EBF1: variants seen among roughly 807,000 people sequenced by gnomAD.
EBF1 encodes transcription factor COE1.
A neutral mutation model predicts 68.4 loss-of-function variants in EBF1; 10 were observed. The observed-to-expected ratio is 0.15, with a 90% confidence interval of 0.09 to 0.25. The LOEUF (loss-of-function observed/expected upper bound fraction) is 0.25. Ranked by LOEUF, EBF1 falls within the 10% of genes least tolerant of loss-of-function variation. The pLI, the probability that EBF1 is intolerant of heterozygous loss-of-function variation, is 1.00. For missense variants in EBF1, 509 were observed against 794.4 expected (o/e 0.64, Z 4.32); for synonymous variants, 298 against 299.8 (o/e 0.99, Z 0.06).
intron 6 of EBF1, among the ~76,000 whole-genome samples, chr5:158,918,739 A>T (rs945071564): frequency 2.0e-5 from 3 of 152,146 alleles, no homozygotes; most frequent in Admixed American, 2.0e-4. Flanking sequence ...ATGGACTAAC[A>T]CTGAAGTTAT....
In EBF1 at chr5:158,873,863, A is replaced by G. The variant is rs79061960; in HGVS notation, c.555-33753T>C. ...TAAAAGCATCCAGCAGTATGTAGGT[A>G]TACAGTGAGAAGTACCACCACCAGC... On this transcript the variant is annotated intron_variant, in intron 6 of 15. Transcript: ENST00000313708. Among the ~76,000 whole-genome samples the G allele has an allele frequency of 5.9e-3, 892 of 152,356 alleles. 14 individuals are homozygous for G. The highest frequency in any genetic ancestry group is 0.021 in the African/African-American group (855 of 41,588).
At chr5:158,788,289 C>T (rs978252545) in intron 9 of EBF1, among the ~76,000 whole-genome samples, 3 of 151,818 alleles carry the variant, frequency 2.0e-5, no homozygotes, top group African/African-American at 7.3e-5. Flanking sequence ...GGGAAGATTC[C>T]AGAGAAAAAG....
intron 10 of EBF1, among the ~76,000 whole-genome samples, chr5:158,741,957 A>G (rs1409526363): frequency 6.6e-6 from 1 of 152,182 alleles, no homozygotes; most frequent in East Asian, 1.9e-4. Flanking sequence ...CATTATTCCC[A>G]TTAGACACAG....
chr5:158,892,136 T>C (rs1409231485), intron 6 of EBF1, among the ~76,000 whole-genome samples: 1 of 152,128 alleles, frequency 6.6e-6, no homozygotes, highest in South Asian at 2.1e-4. Context: ...CTAAGTTTAA[T>C]ATTCTATTCA....
At chr5:158,939,943 TTA>T (rs1205619184) in intron 6 of EBF1, among the ~76,000 whole-genome samples, 1 of 152,138 alleles carries the variant, frequency 6.6e-6, no homozygotes, top group Admixed American at 6.5e-5. Context: ...CAGAATACAC[TTA>T]TACCCTCTCA....
At chr5:159,003,683 C>CT (rs1452801553) in intron 6 of EBF1, among the ~76,000 whole-genome samples, 2 of 152,220 alleles carry the variant, frequency 1.3e-5, no homozygotes, top group African/African-American at 4.8e-5. Context: ...GTGACAACAG[C>CT]TTACATTCAT....
intron 5 of EBF1, 43 bp downstream of exon 5, chr5:159,084,623 C>A: frequency 1.4e-6 from 2 of 1,404,348 alleles, no homozygotes; most frequent in Non-Finnish European, 9.6e-7. Context: ...GCAAATTCAT[C>A]TTCTCTTTGC....
intron 6 of EBF1, among the ~76,000 whole-genome samples, chr5:158,849,973 A>C (rs1792311795): frequency 6.6e-6 from 1 of 152,264 alleles, no homozygotes; most frequent in African/African-American, 2.4e-5. Flanking sequence ...TATCCATCTC[A>C]CACTCTGTAA....
chr5:158,747,410 A>T (rs1465763426), intron 10 of EBF1, among the ~76,000 whole-genome samples: 1 of 152,204 alleles, frequency 6.6e-6, no homozygotes, highest in Non-Finnish European at 1.5e-5. Flanking sequence ...GTAGGCAAAG[A>T]AATGAAATGT....
intron 6 of EBF1, among the ~76,000 whole-genome samples, chr5:158,852,950 C>G (rs1164362764): frequency 6.6e-6 from 1 of 152,048 alleles, no homozygotes; most frequent in South Asian, 2.1e-4. Flanking sequence ...ATTGGTTGAT[C>G]ATTTACAAAA....
At chr5:159,071,736 C>T (rs1241433880) in intron 6 of EBF1, among the ~76,000 whole-genome samples, 8 of 140,598 alleles carry the variant, frequency 5.7e-5, no homozygotes, top group Admixed American at 1.4e-4. Flanking sequence ...CATTCACAAG[C>T]GAAAAAAAAA....
intron 6 of EBF1, among the ~76,000 whole-genome samples, chr5:158,991,748 AC>A (rs1760370701): frequency 6.6e-6 from 1 of 152,200 alleles, no homozygotes; most frequent in Non-Finnish European, 1.5e-5. Context: ...GAGGAAATGC[AC>A]CCTTTTCAAC....
In EBF1 at chr5:158,894,538, T is replaced by TAA. The variant is rs1230810500; in HGVS notation, c.555-54430_555-54429dup. On this transcript the variant is annotated intron_variant, in intron 6 of 15. Transcript: ENST00000313708. ...AGTGGCAGATTAGTTTCCATGATGC[T>TAA]AAAAAGGTCCCAATTACTTGCGGCA... 3.9e-5 allele frequency among the ~76,000 whole-genome samples: 6 copies of TAA among 152,184 alleles called. No homozygotes were observed. The East Asian group carries it at 1.2e-3, about 29-fold the overall frequency.
intron 6 of EBF1, among the ~76,000 whole-genome samples, chr5:158,998,189 A>G (rs924011929): frequency 2.0e-5 from 3 of 151,994 alleles, no homozygotes; most frequent in African/African-American, 7.3e-5. Context: ...CCAAATTATG[A>G]GCTTCTTCTG....
intron 6 of EBF1, among the ~76,000 whole-genome samples, chr5:158,924,796 T>C (rs1161529575): frequency 7.5e-6 from 1 of 133,112 alleles, no homozygotes; most frequent in African/African-American, 3.0e-5. Flanking sequence ...CAGCTTGTGG[T>C]GAGCCGAGAT....
chr5:158,977,442 C>T (rs539101214), intron 6 of EBF1, among the ~76,000 whole-genome samples: 1 of 152,252 alleles, frequency 6.6e-6, no homozygotes, highest in East Asian at 1.9e-4. Context: ...ACTATGCAAT[C>T]TCATGACATG....
chr5:159,099,439 T>G lies in EBF1; in HGVS notation c.40A>C (p.Ser14Arg). Residue 14 changes from serine to arginine, a missense_variant, in exon 1 of 16, where the codon AGC (serine) becomes CGC (arginine). Coordinates refer to ENST00000313708, the MANE Select transcript of EBF1 (RefSeq NM_024007.5). ...CTGCCCAGCGGCTCTTCCTTCATGC[T>G]GCTTCCACTCCGTTGGATGCTTTCC... The part of the protein sequence containing the change: ...IQESIQRSGS[S>R]MKEEPLGSGM... 2 of 1,599,544 alleles carry G rather than the reference T, an allele frequency of 1.3e-6. No homozygotes were observed. Among genetic ancestry groups the G allele is most frequent in the Non-Finnish European group, 1.7e-6 (2 of 1,173,402 alleles).
chr5:158,702,937 G>GA (rs1252711239), intron 15 of EBF1, among the ~76,000 whole-genome samples: 1 of 151,982 alleles, frequency 6.6e-6, no homozygotes, highest in Non-Finnish European at 1.5e-5. Flanking sequence ...AGGTGGAAAA[G>GA]AAAAAACATC....
chr5:159,025,360 C>T (rs1292877725), intron 6 of EBF1, among the ~76,000 whole-genome samples: 1 of 152,140 alleles, frequency 6.6e-6, no homozygotes, highest in Non-Finnish European at 1.5e-5. Context: ...TTGATGTGTC[C>T]AAGTAAGCAT....
Sources: gnomAD v4.1 joint callset for allele counts (sites outside exome capture counted in the v4.1 genomes callset) on GRCh38, gnomAD v4.1.1 for gene constraint, MANE v1.5 for transcripts, NCBI Gene and HGNC (gene_info 2026-07-23, HGNC 2026-07-21) for gene names.